The following ALMS1 variants were observed in gnomAD, a reference collection of about 807,000 sequenced individuals.
ALMS1 encodes the protein ALMS1 centrosome and basal body associated protein, also known as centrosome-associated protein ALMS1.
In ALMS1, 271 loss-of-function variants were observed where a neutral mutation model predicts 352.2. The ratio of observed to expected loss-of-function variants is 0.77; its 90% confidence interval spans 0.70 to 0.85. The LOEUF (loss-of-function observed/expected upper bound fraction) is 0.85, where lower values mean the gene tolerates loss of function less well. Among genes scored for constraint, ALMS1 ranks in the 40% least tolerant of loss-of-function variants. The pLI, the probability that ALMS1 is intolerant of heterozygous loss-of-function variation, is 0.00. For synonymous variants in ALMS1, 1,865 were observed against 1,761.2 expected (o/e 1.06, Z -1.48); for missense variants, 5,445 against 4,870.7 (o/e 1.12, Z -3.51).
intron 9 of ALMS1, chr2:73,462,711 C>T (rs1478096672): frequency 1.3e-5 from 2 of 151,948 alleles, no homozygotes; most frequent in African/African-American, 2.4e-5. Context: ...TCAGGAAACC[C>T]ATCTCATGTG....
intron 13 of ALMS1, among the ~76,000 whole-genome samples, chr2:73,553,368 G>A (rs902432003): frequency 3.3e-5 from 5 of 152,162 alleles, no homozygotes; most frequent in Non-Finnish European, 5.9e-5. Context: ...AATGGGAAAC[G>A]AATTCTCACT....
intron 13 of ALMS1, among the ~76,000 whole-genome samples, chr2:73,555,877 A>C (rs1240442599): frequency 6.6e-6 from 1 of 152,168 alleles, no homozygotes; most frequent in Non-Finnish European, 1.5e-5. Flanking sequence ...TTGAGTGAAA[A>C]AGTCATGGTG....
intron 6 of ALMS1, among the ~76,000 whole-genome samples, chr2:73,429,141 A>G (rs1440092033): frequency 1.3e-5 from 2 of 152,154 alleles, no homozygotes; most frequent in Admixed American, 6.5e-5. Context: ...GTTATGTAGC[A>G]TTTATATAGT....
chr2:73,510,195 C>T (rs1232331543), intron 10 of ALMS1, among the ~76,000 whole-genome samples: 7 of 152,126 alleles, frequency 4.6e-5, no homozygotes. Context: ...TTTGTTATTA[C>T]CCACCTTCTG....
At chr2:73,440,845 T>G (rs1024814435) in intron 7 of ALMS1, among the ~76,000 whole-genome samples, 1 of 152,238 alleles carries the variant, frequency 6.6e-6, no homozygotes, top group Non-Finnish European at 1.5e-5. Context: ...TATAATCTTC[T>G]GTTTAGCAGG....
At chr2:73,608,626 G>A in intron 22 of ALMS1, 52 bp downstream of exon 22, 1 of 1,407,616 alleles carries the variant, frequency 7.1e-7, no homozygotes, top group African/African-American at 1.4e-5. Context: ...TTGGCGGAAA[G>A]AGAAATGGAG....
At chr2:73,565,402 A>G (rs1366562663) in intron 15 of ALMS1, among the ~76,000 whole-genome samples, 1 of 152,242 alleles carries the variant, frequency 6.6e-6, no homozygotes, top group Non-Finnish European at 1.5e-5. Context: ...TAACCAAAGT[A>G]TAAAATAAAT....
At chr2:73,393,076 G>C in intron 1 of ALMS1, among the ~76,000 whole-genome samples, 1 of 152,078 alleles carries the variant, frequency 6.6e-6, no homozygotes, top group African/African-American at 2.4e-5. Context: ...GGCCATTTGT[G>C]TGTCTTCTTT....
At position 73,424,488 on chromosome 2, in the gene ALMS1, G is replaced by T; in HGVS notation, c.823G>T (p.Glu275Ter). ...EWSSRPSEVS[E>*]ALFQATAEVA... The stretch of plus-strand genomic sequence containing the variant: ...GTCTTCTCGACCATCGGAAGTTAGT[G>T]AAGCTTTATTCCAGGCTACTGCAGA... The change falls in exon 5 of 23, where the codon GAA (glutamate) becomes TAA (stop). Residue 275 changes from glutamate to a stop codon, truncating the protein, a stop_gained. Coordinates refer to ENST00000613296, the MANE Select transcript of ALMS1 (RefSeq NM_001378454.1). LOFTEE classifies it high-confidence loss of function. 3.7e-6 allele frequency: 6 copies of T among 1,604,190 alleles called. No homozygotes were observed. The highest frequency in any genetic ancestry group is 5.1e-6 in the Non-Finnish European group (6 of 1,176,080).
intron 2 of ALMS1, 40 bp downstream of exon 2, chr2:73,408,787 A>G (rs780441816): frequency 1.2e-5 from 20 of 1,602,788 alleles, no homozygotes; most frequent in Non-Finnish European, 1.5e-5. Flanking sequence ...TTTTTTGATA[A>G]GCAGCACAAG....
At position 73,453,723 on chromosome 2, in the gene ALMS1, T is replaced by C. The variant is rs1671999701; in HGVS notation, c.7196T>C (p.Ile2399Thr). ...GAACCTGAAGGGTGTAGTGGAACCA[T>C]TGGGAATAAAATTATTATCCCTATG... ...RSEPEGCSGT[I>T]GNKIIIPMMT... Residue 2399 changes from isoleucine to threonine, a missense_variant, in exon 8 of 23, where the codon ATT (isoleucine) becomes ACT (threonine). Transcript: ENST00000613296. 6.2e-7 allele frequency: 1 copy of C among 1,614,110 alleles called. No individual in the cohort carries two copies. The highest frequency in any genetic ancestry group is 8.5e-7 in the Non-Finnish European group (1 of 1,180,002).
intron 2 of ALMS1, among the ~76,000 whole-genome samples, chr2:73,416,085 C>T (rs1336804546): frequency 6.6e-6 from 1 of 152,088 alleles, no homozygotes; most frequent in Non-Finnish European, 1.5e-5. Context: ...CAGGCTCAAA[C>T]CATGGTCAGA....
intron 12 of ALMS1, among the ~76,000 whole-genome samples, chr2:73,542,070 C>T (rs909363004): frequency 6.6e-6 from 1 of 151,996 alleles, no homozygotes; most frequent in Non-Finnish European, 1.5e-5. Context: ...AACCAAAAAA[C>T]AGAATTTTAG....
Position 73,452,414 on chromosome 2 carries a change from G to A in ALMS1, c.5887G>A (p.Glu1963Lys), listed in dbSNP as rs45484791. The A allele has an allele frequency of 1.9e-6, 3 of 1,613,962 alleles. No homozygotes were observed. The highest frequency in any genetic ancestry group is 2.5e-6 in the Non-Finnish European group (3 of 1,180,004). ...GTTGCCAGACAGTCATCTCACAGAA[G>A]AGGCTCTGAAAGTTTCACCTGTTTC... ...QELPDSHLTE[E>K]ALKVSPVSIP... is the part of the protein sequence containing the mutation. The change falls in exon 8 of 23, where the codon GAG becomes AAG. Residue 1963 changes from glutamate to lysine, a missense_variant. Coordinates refer to ENST00000613296, the MANE Select transcript of ALMS1 (RefSeq NM_001378454.1).
intron 9 of ALMS1, among the ~76,000 whole-genome samples, chr2:73,472,457 C>A (rs1178739510): frequency 2.0e-5 from 3 of 151,940 alleles, no homozygotes. Context: ...TAATCAAAGT[C>A]AAATACTTTT....
intron 10 of ALMS1, among the ~76,000 whole-genome samples, chr2:73,493,172 C>T (rs1673028155): frequency 6.6e-6 from 1 of 151,750 alleles, no homozygotes; most frequent in Non-Finnish European, 1.5e-5. Context: ...GTAGTGGATG[C>T]TTATATTATA....
chr2:73,607,074 C>A (rs1400948460), intron 21 of ALMS1, among the ~76,000 whole-genome samples: 1 of 151,760 alleles, frequency 6.6e-6, no homozygotes, highest in Non-Finnish European at 1.5e-5. Context: ...AAATGAATAT[C>A]ACTTATCATC....
At chr2:73,578,197 C>T (rs545888197) in intron 16 of ALMS1, among the ~76,000 whole-genome samples, 11 of 152,104 alleles carry the variant, frequency 7.2e-5, no homozygotes, top group Admixed American at 3.9e-4. Flanking sequence ...GGGTAACTAC[C>T]CCAGCTCTCT....
intron 11 of ALMS1, among the ~76,000 whole-genome samples, chr2:73,529,858 G>A (rs747958186): frequency 3.3e-5 from 5 of 152,088 alleles, no homozygotes; most frequent in Non-Finnish European, 5.9e-5. Flanking sequence ...CGTCTTACAT[G>A]GGGGCAGGAG....
Sources: allele counts gnomAD v4.1 joint callset (sites outside exome capture counted in the v4.1 genomes callset), GRCh38; gene constraint gnomAD v4.1.1; transcripts MANE v1.5; gene names NCBI Gene and HGNC (gene_info 2026-07-23, HGNC 2026-07-21).